Variants in GALNTL6 observed in about 807,000 individuals in gnomAD.
GALNTL6 encodes polypeptide N-acetylgalactosaminyltransferase like 6.
Under a neutral mutation model 73.7 loss-of-function variants are expected in GALNTL6, and 46 were observed. The observed-to-expected ratio is 0.62, with a 90% CI of 0.49 to 0.80. GALNTL6 has a LOEUF of 0.80. Among genes scored for constraint, GALNTL6 ranks in the 30% least tolerant of loss-of-function variants. GALNTL6 has a pLI of 0.00. For missense variants in GALNTL6, 604 were observed against 755.0 expected, an observed-to-expected ratio of 0.80 and a Z score of 2.34; for synonymous variants, 259 against 263.7, an observed-to-expected ratio of 0.98 and a Z score of 0.17.
chr4:172,894,827 G>T (rs78212308), intron 8 of GALNTL6, among the ~76,000 whole-genome samples: 2,792 of 151,958 alleles, frequency 0.018, 42 homozygotes, highest in Non-Finnish European at 0.028. Context: ...CTTTAGATCT[G>T]TTAATACTTG....
intron 5 of GALNTL6, among the ~76,000 whole-genome samples, chr4:172,528,637 C>T (rs1435031130): frequency 6.6e-6 from 1 of 151,286 alleles, no homozygotes; most frequent in East Asian, 2.0e-4. Context: ...AGCCACTGCA[C>T]CTGGCCTTAT....
At chr4:171,949,180 G>A (rs1007622114) in intron 2 of GALNTL6, among the ~76,000 whole-genome samples, 1 of 152,104 alleles carries the variant, frequency 6.6e-6, no homozygotes, top group Non-Finnish European at 1.5e-5. Context: ...AGTGCACAGA[G>A]GCCAGGCTCT....
intron 7 of GALNTL6, among the ~76,000 whole-genome samples, chr4:172,871,246 CT>C (rs1404701513): frequency 1.3e-5 from 2 of 152,074 alleles, no homozygotes; most frequent in Non-Finnish European, 2.9e-5. Flanking sequence ...GAAAATAAAG[CT>C]TTTATTTTAT....
chr4:171,828,060 G>T (rs548065309), intron 2 of GALNTL6, among the ~76,000 whole-genome samples: 6 of 152,206 alleles, frequency 3.9e-5, no homozygotes, highest in Admixed American at 3.9e-4. Context: ...ATTATCACAA[G>T]TTATAATACA....
intron 3 of GALNTL6, among the ~76,000 whole-genome samples, chr4:172,247,490 A>C (rs1488902003): frequency 6.6e-6 from 1 of 152,186 alleles, no homozygotes; most frequent in Non-Finnish European, 1.5e-5. Context: ...AGCTCCTTCC[A>C]ACAGTCATTC....
intron 5 of GALNTL6, among the ~76,000 whole-genome samples, chr4:172,770,298 A>AATAAATAG (rs1560940818): frequency 3.3e-5 from 5 of 151,316 alleles, no homozygotes; most frequent in African/African-American, 1.2e-4. Flanking sequence ...TAAATAAATA[A>AATAAATAG]ATAAGCTTTT....
At chr4:172,051,771 A>C (rs1730878726) in intron 2 of GALNTL6, among the ~76,000 whole-genome samples, 1 of 152,122 alleles carries the variant, frequency 6.6e-6, no homozygotes, top group Non-Finnish European at 1.5e-5. Flanking sequence ...ACTTAGGGCC[A>C]TGGGTTTCCA....
At chr4:171,863,273 T>C (rs1349896301) in intron 2 of GALNTL6, among the ~76,000 whole-genome samples, 6 of 152,182 alleles carry the variant, frequency 3.9e-5, no homozygotes, top group Non-Finnish European at 7.4e-5. Context: ...AATAAACATA[T>C]TTTTTATGAT....
At chr4:172,619,119 T>A (rs1579249984) in intron 5 of GALNTL6, among the ~76,000 whole-genome samples, 1 of 152,160 alleles carries the variant, frequency 6.6e-6, no homozygotes, top group Non-Finnish European at 1.5e-5. Flanking sequence ...GTCTTTTTTT[T>A]ATTTTTAATA....
chr4:172,181,668 T>A (rs1005449642), intron 2 of GALNTL6, among the ~76,000 whole-genome samples: 6 of 151,074 alleles, frequency 4.0e-5, no homozygotes, highest in African/African-American at 9.7e-5. Context: ...AGTTTTCAGA[T>A]GACATGATTG....
chr4:172,196,222 A>G lies in GALNTL6; in HGVS notation c.139-33434A>G, dbSNP rs371765525. Among the ~76,000 whole-genome samples the G allele has an allele frequency of 2.0e-3, 306 of 152,292 alleles. 1 individual carries two copies. The highest frequency in any genetic ancestry group is 6.8e-3 in the African/African-American group (281 of 41,564). On this transcript the variant is annotated intron_variant, in intron 2 of 12. Transcript: ENST00000506823. The stretch of plus-strand genomic sequence containing the variant: ...AAGAAATGGTTAAATTCCTGAACAC[A>G]TACATCCTCCCAAGACTGAAATACG...
At chr4:172,368,763 T>C (rs561140242) in intron 5 of GALNTL6, among the ~76,000 whole-genome samples, 2 of 152,340 alleles carry the variant, frequency 1.3e-5, no homozygotes, top group East Asian at 1.9e-4. Context: ...TTGGTCTCGC[T>C]GACTTCAAGA....
In GALNTL6 at chr4:173,024,325, T is replaced by C. The variant is rs191087236; in HGVS notation, c.1638+2700T>C. Among the ~76,000 whole-genome samples, 510 of 152,370 alleles carry C rather than the reference T, an allele frequency of 3.3e-3. 3 individuals are homozygous for C. The highest frequency in any genetic ancestry group is 0.014 in the Middle Eastern group (4 of 294). ...TTAGCAAAAGGTTACACTCCATGTG[T>C]ATTTATATAGCAAGCAAGGTATTTA... On this transcript the variant is annotated intron_variant, in intron 12 of 12. Coordinates refer to ENST00000506823, the MANE Select transcript of GALNTL6 (RefSeq NM_001034845.3).
rs570840838 is a variant in GALNTL6, at chr4:172,230,362, C to T, written c.247+598C>T. ...TTCCACTTTGGGAGACCGAGGCAGG[C>T]GGATCACAAGGTCAGGAGATCGAGA... On this transcript the variant is annotated intron_variant, in intron 3 of 12. Transcript: ENST00000506823. 1.1e-4 allele frequency among the ~76,000 whole-genome samples: 16 copies of T among 152,140 alleles called. No homozygotes were observed. The East Asian group carries it at 2.3e-3, about 22-fold the overall frequency.
At chr4:172,374,475 G>A (rs962777395) in intron 5 of GALNTL6, among the ~76,000 whole-genome samples, 1 of 152,208 alleles carries the variant, frequency 6.6e-6, no homozygotes, top group South Asian at 2.1e-4. Context: ...GGTGACAGGG[G>A]AGTATATTTT....
At chr4:172,507,565 G>A (rs1236938082) in intron 5 of GALNTL6, among the ~76,000 whole-genome samples, 1 of 54,476 alleles carries the variant, frequency 1.8e-5, no homozygotes, top group African/African-American at 4.6e-5. Context: ...TTCCAGAAAT[G>A]CTCTTCTCTG....
chr4:172,318,299 G>T (rs1740635937), intron 4 of GALNTL6, among the ~76,000 whole-genome samples: 1 of 152,198 alleles, frequency 6.6e-6, no homozygotes, highest in Non-Finnish European at 1.5e-5. Context: ...CTGTAACTAA[G>T]AGGTATGTCC....
chr4:172,999,745 C>CAT (rs1397292036), intron 10 of GALNTL6, among the ~76,000 whole-genome samples: 4 of 134,002 alleles, frequency 3.0e-5, no homozygotes, highest in African/African-American at 1.1e-4. Flanking sequence ...TGTCTAAACA[C>CAT]ATATCTTCTT....
intron 2 of GALNTL6, among the ~76,000 whole-genome samples, chr4:171,865,072 G>T (rs565596698): frequency 6.6e-6 from 1 of 152,076 alleles, no homozygotes; most frequent in East Asian, 1.9e-4. Flanking sequence ...CTTGACCCCG[G>T]GAGGCGGAGA....
Sources: allele counts gnomAD v4.1 joint callset (sites outside exome capture counted in the v4.1 genomes callset), GRCh38; gene constraint gnomAD v4.1.1; transcripts MANE v1.5; gene names NCBI Gene and HGNC (gene_info 2026-07-23, HGNC 2026-07-21).